HVCN1: variants seen among roughly 807,000 people sequenced by gnomAD.
HVCN1 encodes the protein hydrogen voltage gated channel 1, also known as voltage-gated hydrogen channel 1.
Under a neutral mutation model 29.2 loss-of-function variants are expected in HVCN1, and 14 were observed. The ratio of observed to expected loss-of-function variants is 0.48; its 90% CI spans 0.32 to 0.75. The LOEUF is 0.75. Among genes scored for constraint, HVCN1 ranks in the 30% least tolerant of loss-of-function variants. HVCN1 has a pLI of 0.04. For synonymous variants in HVCN1, 131 were observed against 133.2 expected, an observed-to-expected ratio of 0.98 and a Z score of 0.11; for missense variants, 263 against 341.8, an observed-to-expected ratio of 0.77 and a Z score of 1.82.
intron 2 of HVCN1, among the ~76,000 whole-genome samples, chr12:110,701,916 C>CAAA (rs1555241194): frequency 2.0e-5 from 3 of 150,908 alleles, no homozygotes; most frequent in Non-Finnish European, 3.0e-5. Flanking sequence ...ACAACAACAA[C>CAAA]AAAACACACA....
intron 2 of HVCN1, among the ~76,000 whole-genome samples, chr12:110,698,207 C>T (rs2069522097): frequency 6.6e-6 from 1 of 152,110 alleles, no homozygotes; most frequent in Non-Finnish European, 1.5e-5. Flanking sequence ...ACTATGTTGC[C>T]CAGGCTGGTC....
intron 3 of HVCN1, among the ~76,000 whole-genome samples, chr12:110,682,207 C>G (rs1253415825): frequency 6.6e-6 from 1 of 152,064 alleles, no homozygotes; most frequent in Non-Finnish European, 1.5e-5. Flanking sequence ...AGGCTGGTCT[C>G]AAACTCCTGA....
At chr12:110,655,812 C>T (rs2067971494) in intron 4 of HVCN1, among the ~76,000 whole-genome samples, 1 of 150,586 alleles carries the variant, frequency 6.6e-6, no homozygotes, top group African/African-American at 2.4e-5. Flanking sequence ...TCAAGCAATT[C>T]TCCCACTTCA....
chr12:110,673,049 G>C (rs2068636706), intron 3 of HVCN1, among the ~76,000 whole-genome samples: 1 of 152,198 alleles, frequency 6.6e-6, no homozygotes, highest in Non-Finnish European at 1.5e-5. Flanking sequence ...ATCAGGCAGA[G>C]TCTGGAATAG....
intron 3 of HVCN1, among the ~76,000 whole-genome samples, chr12:110,671,909 C>G (rs1373615244): frequency 6.6e-6 from 1 of 152,168 alleles, no homozygotes; most frequent in Non-Finnish European, 1.5e-5. Context: ...GAGGCGAGAC[C>G]ACTTGCCTGA....
intron 3 of HVCN1, among the ~76,000 whole-genome samples, chr12:110,662,279 T>C (rs1403556717): frequency 2.0e-5 from 3 of 151,902 alleles, no homozygotes; most frequent in Non-Finnish European, 4.4e-5. Context: ...ACAGAATACA[T>C]CTGAGATGCA....
chr12:110,695,812 A>G (rs2069480224), intron 2 of HVCN1, among the ~76,000 whole-genome samples: 1 of 152,254 alleles, frequency 6.6e-6, no homozygotes, highest in African/African-American at 2.4e-5. Flanking sequence ...AAGGAGGCCA[A>G]GATTGTGGAT....
At chr12:110,691,126 G>A (rs774018637), upstream of HVCN1, among the ~76,000 whole-genome samples, 2 of 151,336 alleles carry the variant, frequency 1.3e-5, no homozygotes, top group Non-Finnish European at 2.9e-5. Flanking sequence ...GCAGTGGCGC[G>A]ACCTCGGCTC....
intron 4 of HVCN1, among the ~76,000 whole-genome samples, chr12:110,657,161 A>G (rs2068016471): frequency 6.6e-6 from 1 of 152,136 alleles, no homozygotes; most frequent in South Asian, 2.1e-4. Context: ...GGGAGGGGGA[A>G]TGGGGAGTGA....
chr12:110,696,909 A>G (rs1369484876), intron 2 of HVCN1, among the ~76,000 whole-genome samples: 1 of 152,128 alleles, frequency 6.6e-6, no homozygotes, highest in African/African-American at 2.4e-5. Flanking sequence ...GAAGATAAAA[A>G]TGGAAGTGTA....
intron 3 of HVCN1, among the ~76,000 whole-genome samples, chr12:110,673,568 C>T (rs993425540): frequency 6.6e-6 from 1 of 152,156 alleles, no homozygotes; most frequent in Admixed American, 6.5e-5. Flanking sequence ...ACCTTCACAG[C>T]AGCCCCTCCC....
intron 6 of HVCN1, among the ~76,000 whole-genome samples, chr12:110,650,846 A>G (rs1008815792): frequency 3.3e-5 from 5 of 151,750 alleles, no homozygotes; most frequent in Non-Finnish European, 7.4e-5. Context: ...TGTGTGCACC[A>G]CCACACCCAA....
chr12:110,653,599 T>G (rs1356948293), intron 5 of HVCN1, among the ~76,000 whole-genome samples: 1 of 152,164 alleles, frequency 6.6e-6, no homozygotes, highest in African/African-American at 2.4e-5. Flanking sequence ...CCCAGCACTT[T>G]GGGAGGCCGA....
intron 3 of HVCN1, among the ~76,000 whole-genome samples, chr12:110,674,389 T>A (rs759942123): frequency 2.6e-5 from 4 of 152,202 alleles, no homozygotes; most frequent in Non-Finnish European, 5.9e-5. Context: ...CTTTGGACTG[T>A]GGACTTTTGG....
intron 3 of HVCN1, among the ~76,000 whole-genome samples, chr12:110,671,347 A>T (rs2068569651): frequency 6.6e-6 from 1 of 152,092 alleles, no homozygotes; most frequent in Admixed American, 6.6e-5. Flanking sequence ...AAAAGGACAC[A>T]CAGAGGGTAA....
chr12:110,693,252 G>A (rs541958594), upstream of HVCN1, among the ~76,000 whole-genome samples: 79 of 151,956 alleles, frequency 5.2e-4, no homozygotes, highest in African/African-American at 1.8e-3. Context: ...CATTACAAAC[G>A]TCACTAACTG....
intron 5 of HVCN1, 25 bp from the exon 6 acceptor site, chr12:110,651,473 CAG>C: frequency 1.3e-6 from 2 of 1,535,934 alleles, no homozygotes; most frequent in South Asian, 2.2e-5. Flanking sequence ...GAACCACAGT[CAG>C]GGGAGATTGG....
intron 4 of HVCN1, among the ~76,000 whole-genome samples, chr12:110,660,379 C>G (rs559814030): frequency 6.6e-6 from 1 of 152,328 alleles, no homozygotes; most frequent in African/African-American, 2.4e-5. Context: ...CACCTGGAGA[C>G]TATCAGCAGT....
chr12:110,688,590 G>A (rs1374829969), intron 2 of HVCN1, 35 bp downstream of exon 2: 2 of 152,506 alleles, frequency 1.3e-5, no homozygotes, highest in East Asian at 3.9e-4. Context: ...CAGCGGGGCA[G>A]GGACGATGCA....
Sources: gnomAD v4.1 joint callset for allele counts (sites outside exome capture counted in the v4.1 genomes callset) on GRCh38, gnomAD v4.1.1 for gene constraint, MANE v1.5 for transcripts, NCBI Gene and HGNC (gene_info 2026-07-23, HGNC 2026-07-21) for gene names.